The following FKTN variants were observed in gnomAD, a reference collection of about 807,000 sequenced individuals.
FKTN encodes fukutin.
FKTN carries 47 observed loss-of-function variants against 58.6 expected under a neutral mutation model. That is an observed-to-expected ratio of 0.80 (90% CI 0.63 to 1.02). The LOEUF (loss-of-function observed/expected upper bound fraction) is 1.02. FKTN is among the 50% of genes least tolerant of loss of function. FKTN has a pLI of 0.00. For synonymous variants in FKTN, 178 were observed against 191.9 expected, an observed-to-expected ratio of 0.93 and a Z score of 0.60; for missense variants, 516 against 537.3, an observed-to-expected ratio of 0.96 and a Z score of 0.39.
intron 7 of FKTN, among the ~76,000 whole-genome samples, chr9:105,614,219 C>T (rs772863060): frequency 2.6e-5 from 4 of 152,064 alleles, no homozygotes; most frequent in South Asian, 2.1e-4. Context: ...ACTCTAAAAA[C>T]GAAGAGAATC....
Position 105,636,757 on chromosome 9 carries a change from A to T in FKTN, c.*1493A>T, listed in dbSNP as rs1197999917. The T allele has an allele frequency of 5.4e-6, 7 of 1,290,180 alleles. No individual in the cohort carries two copies. The South Asian group carries it at 8.9e-5, about 16-fold the overall frequency. 79.9% of individuals were successfully genotyped at this position (1,290,180 alleles called of 1,614,324 possible). On this transcript the variant is annotated 3_prime_UTR_variant, in exon 11 of 11. Transcript: ENST00000357998. ...GCAGATTTTCCTCTGACACCAGAGA[A>T]CAATAGTAGTCTCAAGAATGGAAAC...
intron 3 of FKTN, among the ~76,000 whole-genome samples, chr9:105,581,358 T>C (rs1486676698): frequency 1.3e-5 from 2 of 148,586 alleles, no homozygotes; most frequent in African/African-American, 2.5e-5. Context: ...GTGGATGTCC[T>C]TTCTGTTTGT....
rs1187580084 is a variant in FKTN, at chr9:105,567,022, T to C, written c.-180-6633T>C. ...AAATCAGTAAATGTAATCCAACATA[T>C]AAACAGAACCAACAACAAAAGCCAC... is the stretch of plus-strand genomic sequence containing the variant. On this transcript the variant is annotated intron_variant, in intron 1 of 10. Transcript: ENST00000357998. 2.0e-5 allele frequency among the ~76,000 whole-genome samples: 3 copies of C among 152,234 alleles called. No homozygotes were observed. The East Asian group carries it at 5.8e-4, about 29-fold the overall frequency.
At chr9:105,564,859 A>G (rs541487377) in intron 1 of FKTN, among the ~76,000 whole-genome samples, 1 of 152,332 alleles carries the variant, frequency 6.6e-6, no homozygotes, top group East Asian at 1.9e-4. Flanking sequence ...GATTCACCAA[A>G]GTTGAAATGA....
chr9:105,586,441 T>A (rs890579916), intron 3 of FKTN, among the ~76,000 whole-genome samples: 1 of 152,202 alleles, frequency 6.6e-6, no homozygotes, highest in Admixed American at 6.5e-5. Context: ...GAAGAGAATT[T>A]TCATTGTTCA....
Position 105,635,728 on chromosome 9 carries a change from GT to G in FKTN, c.*465del. ...GTATGTTAGTGCTACTTTTAAGATTGTGGAGTCTGAGTTAATATTCAAGTGA... is the reference window on the plus strand; with the variant it reads ...GTATGTTAGTGCTACTTTTAAGATTGGGAGTCTGAGTTAATATTCAAGTGA... On this transcript the variant is annotated 3_prime_UTR_variant, in exon 11 of 11. Coordinates refer to ENST00000357998, the MANE Select transcript of FKTN (RefSeq NM_001079802.2). 2.0e-6 allele frequency: 2 copies of G among 1,023,062 alleles called. No individual in the cohort carries two copies. The highest frequency in any genetic ancestry group is 3.9e-5 in the South Asian group (1 of 25,670). 63.4% of individuals were successfully genotyped at this position (1,023,062 alleles called of 1,614,324 possible).
intron 1 of FKTN, among the ~76,000 whole-genome samples, chr9:105,558,458 G>T (rs1477744114): frequency 6.6e-6 from 1 of 152,116 alleles, no homozygotes; most frequent in Non-Finnish European, 1.5e-5. Flanking sequence ...GGACGATCGA[G>T]ACTCTTGTAG....
At chr9:105,585,262 T>C (rs919790539) in intron 3 of FKTN, among the ~76,000 whole-genome samples, 3 of 152,044 alleles carry the variant, frequency 2.0e-5, no homozygotes, top group Non-Finnish European at 4.4e-5. Flanking sequence ...TCATCTCTGC[T>C]AAAAATAAGA....
intron 7 of FKTN, 115 bp from the exon 8 acceptor site, chr9:105,615,163 C>T (rs1360249201): frequency 8.9e-6 from 10 of 1,123,860 alleles, no homozygotes; most frequent in South Asian, 3.8e-5. Flanking sequence ...GGGTTACAGG[C>T]GTGAGCCACT....
intron 3 of FKTN, among the ~76,000 whole-genome samples, chr9:105,577,392 G>C (rs1234059097): frequency 7.2e-5 from 10 of 139,032 alleles, no homozygotes; most frequent in Admixed American, 3.5e-4. Flanking sequence ...CATATGGCTA[G>C]CCAGTTTTCC....
chr9:105,603,945 G>A (rs890444925), intron 5 of FKTN: 67 of 444,072 alleles, frequency 1.5e-4, no homozygotes, highest in Non-Finnish European at 2.6e-4. Flanking sequence ...TGGGATTACA[G>A]GGGTGAGCTA....
In FKTN at chr9:105,606,969, T is replaced by C. The variant is rs369456633; in HGVS notation, c.648-850T>C. On this transcript the variant is annotated intron_variant, in intron 6 of 10. Coordinates refer to ENST00000357998, the MANE Select transcript of FKTN (RefSeq NM_001079802.2). ...ATACTCACTGTTCTCTTACCACTTT[T>C]TTGCCTGTTTTTTTCTTATTCTGTA... 1.5e-4 allele frequency among the ~76,000 whole-genome samples: 23 copies of C among 152,058 alleles called. No individual in the cohort carries two copies. In the East Asian group the frequency reaches 4.4e-3, roughly 29 times the overall value.
chr9:105,635,651 G>T lies in FKTN; in HGVS notation c.*387G>T. 2 of 1,118,294 alleles carry T rather than the reference G, an allele frequency of 1.8e-6. No homozygotes were observed. Among genetic ancestry groups the T allele is most frequent in the Non-Finnish European group, 2.2e-6 (2 of 911,192 alleles). 69.3% of individuals were successfully genotyped at this position (1,118,294 alleles called of 1,614,324 possible). ...GAGCTCACCAGGCAAAGCTAAGGAA[G>T]GATATACTAGTTGAAAAGAATAACC... On this transcript the variant is annotated 3_prime_UTR_variant, in exon 11 of 11. Coordinates refer to ENST00000357998, the MANE Select transcript of FKTN (RefSeq NM_001079802.2).
In FKTN at chr9:105,599,712, C is replaced by T. The variant is rs558739675; in HGVS notation, c.166-1433C>T. ...AGAGACAGGGTTTCACCATGTTGGC[C>T]AGGCTGGTCCTGAACTCCTGACCTC... On this transcript the variant is annotated intron_variant, in intron 4 of 10. Transcript: ENST00000357998. 9.1e-3 allele frequency among the ~76,000 whole-genome samples: 1,388 copies of T among 152,150 alleles called. 23 individuals are homozygous for T. The highest frequency in any genetic ancestry group is 0.032 in the African/African-American group (1,339 of 41,520).
chr9:105,582,137 C>G (rs1843089122), intron 3 of FKTN, among the ~76,000 whole-genome samples: 1 of 152,220 alleles, frequency 6.6e-6, no homozygotes, highest in South Asian at 2.1e-4. Flanking sequence ...CTGCGTCGCT[C>G]ATGCTGGGAG....
intron 3 of FKTN, among the ~76,000 whole-genome samples, chr9:105,590,062 A>G (rs371986174): frequency 6.6e-6 from 1 of 152,204 alleles, no homozygotes; most frequent in Non-Finnish European, 1.5e-5. Flanking sequence ...TTTTAAAACA[A>G]GTAGCCTGGC....
At chr9:105,576,145 CTTTT>C (rs5899668) in intron 3 of FKTN, among the ~76,000 whole-genome samples, 4 of 119,694 alleles carry the variant, frequency 3.3e-5, no homozygotes, top group African/African-American at 8.8e-5. Flanking sequence ...TGAAACTTTT[CTTTT>C]TTTTTTTTTT....
At chr9:105,627,961 C>T (rs980496218) in intron 10 of FKTN, among the ~76,000 whole-genome samples, 1 of 152,120 alleles carries the variant, frequency 6.6e-6, no homozygotes, top group East Asian at 1.9e-4. Context: ...TCCAACCTAA[C>T]GTGGTTGGAG....
intron 7 of FKTN, among the ~76,000 whole-genome samples, chr9:105,614,717 C>T (rs1038332233): frequency 6.6e-6 from 1 of 152,166 alleles, no homozygotes; most frequent in East Asian, 1.9e-4. Context: ...AAGGATGTCT[C>T]ATCCTTTGGG....
Sources: gnomAD v4.1 joint callset for allele counts (sites outside exome capture counted in the v4.1 genomes callset) on GRCh38, gnomAD v4.1.1 for gene constraint, MANE v1.5 for transcripts, NCBI Gene and HGNC (gene_info 2026-07-23, HGNC 2026-07-21) for gene names.